The following CDYL variants were observed in gnomAD, a reference collection of about 807,000 sequenced individuals.
CDYL encodes the protein chromodomain Y-like protein.
CDYL carries 8 observed loss-of-function variants against 47.3 expected under a neutral mutation model. The observed-to-expected ratio is 0.17, with a 90% CI of 0.10 to 0.31. CDYL has a LOEUF of 0.31. Among genes scored for constraint, CDYL ranks in the 10% least tolerant of loss-of-function variants. The pLI is 1.00. For synonymous variants in CDYL, 266 were observed against 265.0 expected (o/e 1.00, Z -0.04); for missense variants, 471 against 701.4 (o/e 0.67, Z 3.71).
intron 5 of CDYL, among the ~76,000 whole-genome samples, chr6:4,950,827 G>A (rs1193345951): frequency 1.3e-5 from 2 of 151,782 alleles, no homozygotes; most frequent in Non-Finnish European, 2.9e-5. Flanking sequence ...AGCTACTCAC[G>A]AGGCTGAGGC....
chr6:4,892,789 A>C (rs1233662653), intron 2 of CDYL, among the ~76,000 whole-genome samples: 1 of 152,186 alleles, frequency 6.6e-6, no homozygotes, highest in African/African-American at 2.4e-5. Context: ...TATTTTGCTC[A>C]TCTGTGTGAA....
intron 1 of CDYL, among the ~76,000 whole-genome samples, chr6:4,860,969 C>A (rs1209861389): frequency 6.6e-6 from 1 of 152,098 alleles, no homozygotes; most frequent in African/African-American, 2.4e-5. Context: ...CCACACCCAC[C>A]CAGACACACC....
At chr6:4,763,746 C>A in intron 3 of CDYL, among the ~76,000 whole-genome samples, 1 of 152,148 alleles carries the variant, frequency 6.6e-6, no homozygotes, top group East Asian at 1.9e-4. Context: ...AACTCAAGAC[C>A]AGCCCTGTCA....
chr6:4,945,769 G>A (rs73352356), intron 5 of CDYL, among the ~76,000 whole-genome samples: 2,001 of 152,346 alleles, frequency 0.013, 46 homozygotes, highest in African/African-American at 0.046. Flanking sequence ...CAGGCTGGCG[G>A]CTGTGGCAGG....
intron 1 of CDYL, among the ~76,000 whole-genome samples, chr6:4,809,126 G>A (rs1366144850): frequency 6.6e-6 from 1 of 151,962 alleles, no homozygotes; most frequent in African/African-American, 2.4e-5. Flanking sequence ...TATGTTTTGT[G>A]CAAATCAACA....
At chr6:4,831,595 G>GT (rs2127453975) in intron 1 of CDYL, among the ~76,000 whole-genome samples, 2 of 152,088 alleles carry the variant, frequency 1.3e-5, no homozygotes, top group Non-Finnish European at 2.9e-5. Flanking sequence ...CTTTAAAGTA[G>GT]TTTTTTCCAA....
At chr6:4,723,603 C>A (rs186690868) in intron 2 of CDYL, among the ~76,000 whole-genome samples, 1 of 152,238 alleles carries the variant, frequency 6.6e-6, no homozygotes, top group African/African-American at 2.4e-5. Context: ...CAAGCCCTCC[C>A]CTCCTCCACC....
rs752257604 is a variant in CDYL, at chr6:4,892,053, A to T, written c.365A>T (p.Asn122Ile). ...GCTGCCAGCCAGAAGTTCAGGAAGAACACAGCTCCATCTCTCTCCAGCCGG... is the reference window on the plus strand; with the variant it reads ...GCTGCCAGCCAGAAGTTCAGGAAGATCACAGCTCCATCTCTCTCCAGCCGG... ...LFAASQKFRK[N>I]TAPSLSSRKN... The change falls in exon 2 of 7, where the codon AAC (asparagine) becomes ATC (isoleucine). Residue 122 changes from asparagine (N) to isoleucine (I), a missense_variant. Transcript: ENST00000397588. 6.2e-6 allele frequency: 10 copies of T among 1,614,122 alleles called. No homozygotes were observed. The highest frequency in any genetic ancestry group is 5.9e-6 in the Non-Finnish European group (7 of 1,180,050).
At chr6:4,871,674 TG>T (rs1761478626) in intron 1 of CDYL, among the ~76,000 whole-genome samples, 1 of 152,128 alleles carries the variant, frequency 6.6e-6, no homozygotes, top group Non-Finnish European at 1.5e-5. Flanking sequence ...TCTAGTGGGT[TG>T]GGATTTTTTG....
chr6:4,817,365 A>AC (rs1554100054), intron 1 of CDYL, among the ~76,000 whole-genome samples: 1 of 151,854 alleles, frequency 6.6e-6, no homozygotes, highest in African/African-American at 2.4e-5. Context: ...TAAAAAAAAA[A>AC]AAAACTGTGA....
intron 1 of CDYL, among the ~76,000 whole-genome samples, chr6:4,878,987 T>A (rs1024954066): frequency 5.9e-5 from 9 of 152,186 alleles, no homozygotes; most frequent in Admixed American, 5.9e-4. Flanking sequence ...AATTTACTAA[T>A]TGCTTATTTA....
At chr6:4,855,467 A>C (rs1760978501) in intron 1 of CDYL, among the ~76,000 whole-genome samples, 1 of 152,120 alleles carries the variant, frequency 6.6e-6, no homozygotes, top group South Asian at 2.1e-4. Context: ...TTTTATCAGC[A>C]GTTTTTAACC....
chr6:4,821,344 C>T (rs1759831663), intron 1 of CDYL, among the ~76,000 whole-genome samples: 1 of 118,762 alleles, frequency 8.4e-6, no homozygotes, highest in African/African-American at 3.3e-5. Context: ...GTGGTGTGAT[C>T]TCGGCTTACT....
At chr6:4,716,643 T>C (rs974113524) in intron 2 of CDYL, among the ~76,000 whole-genome samples, 4 of 148,960 alleles carry the variant, frequency 2.7e-5, no homozygotes, top group African/African-American at 1.0e-4. Flanking sequence ...ATGCCTGAAT[T>C]CTTGACAGGG....
At chr6:4,799,656 G>T (rs1759171406) in intron 1 of CDYL, among the ~76,000 whole-genome samples, 1 of 152,062 alleles carries the variant, frequency 6.6e-6, no homozygotes, top group African/African-American at 2.4e-5. Flanking sequence ...GGCTGATCTT[G>T]AACTCCTGAG....
intron 2 of CDYL, among the ~76,000 whole-genome samples, chr6:4,900,832 T>TATATATATAGATATA (rs1757029623): frequency 1.0e-5 from 1 of 97,948 alleles, no homozygotes; most frequent in African/African-American, 3.6e-5. Context: ...TATATATATC[T>TATATATATAGATATA]TGCCTGTTTT....
At chr6:4,921,855 G>A (rs13201127) in intron 2 of CDYL, among the ~76,000 whole-genome samples, 7,335 of 152,014 alleles carry the variant, frequency 0.048, 294 homozygotes, top group African/African-American at 0.11. Flanking sequence ...TGCATGCAAA[G>A]CACTTGAGAG....
chr6:4,752,924 A>AT (rs546399830), intron 3 of CDYL, among the ~76,000 whole-genome samples: 2,444 of 147,498 alleles, frequency 0.017, 27 homozygotes, highest in Non-Finnish European at 0.018. Flanking sequence ...AGATAGATAG[A>AT]TTTTTTTTTT....
At chr6:4,929,123 G>A (rs1392467119) in intron 2 of CDYL, among the ~76,000 whole-genome samples, 1 of 152,052 alleles carries the variant, frequency 6.6e-6, no homozygotes, top group Non-Finnish European at 1.5e-5. Context: ...TACAGTGCAG[G>A]CCTGCTGGTA....
Sources: allele counts gnomAD v4.1 joint callset (sites outside exome capture counted in the v4.1 genomes callset), GRCh38; gene constraint gnomAD v4.1.1; transcripts MANE v1.5; gene names NCBI Gene and HGNC (gene_info 2026-07-23, HGNC 2026-07-21).